PTPRD: variants seen among roughly 807,000 people sequenced by gnomAD.
PTPRD encodes protein tyrosine phosphatase receptor type D.
PTPRD carries 34 observed loss-of-function variants against 214.5 expected under a neutral mutation model. The observed-to-expected ratio is 0.16, with a 90% CI of 0.12 to 0.21. PTPRD has a LOEUF of 0.21. Among genes scored for constraint, PTPRD ranks in the 10% least tolerant of loss-of-function variants. The pLI is 1.00. For missense variants in PTPRD, 2,545 were observed against 2,398.7 expected, an observed-to-expected ratio of 1.06 and a Z score of -1.27; for synonymous variants, 1,128 against 845.7, an observed-to-expected ratio of 1.33 and a Z score of -5.79.
chr9:9,270,091 A>G (rs968037538), intron 9 of PTPRD, among the ~76,000 whole-genome samples: 46 of 151,186 alleles, frequency 3.0e-4, no homozygotes, highest in Non-Finnish European at 1.9e-4. Flanking sequence ...TTCTCACCAT[A>G]TACAAAAAGG....
intron 3 of PTPRD, among the ~76,000 whole-genome samples, chr9:10,054,100 C>T (rs1031248236): frequency 6.6e-6 from 1 of 152,064 alleles, no homozygotes; most frequent in Non-Finnish European, 1.5e-5. Flanking sequence ...GTTTATTAAA[C>T]TTTCCAAATA....
intron 3 of PTPRD, among the ~76,000 whole-genome samples, chr9:10,037,020 G>T (rs1306796964): frequency 6.6e-6 from 1 of 151,770 alleles, no homozygotes; most frequent in Non-Finnish European, 1.5e-5. Flanking sequence ...GAAGTAGCTG[G>T]GACTACAGGT....
chr9:9,447,019 G>C (rs1332226739), intron 8 of PTPRD, among the ~76,000 whole-genome samples: 1 of 152,088 alleles, frequency 6.6e-6, no homozygotes, highest in Non-Finnish European at 1.5e-5. Flanking sequence ...AATATAACAA[G>C]TGCTGGCAAG....
At chr9:8,430,648 G>C (rs1431785870) in intron 35 of PTPRD, among the ~76,000 whole-genome samples, 2 of 151,972 alleles carry the variant, frequency 1.3e-5, no homozygotes, top group African/African-American at 4.8e-5. Context: ...AGTAGCAGTG[G>C]GGTAGTACCT....
intron 32 of PTPRD, among the ~76,000 whole-genome samples, chr9:8,463,721 T>G (rs571108075): frequency 3.3e-5 from 5 of 152,112 alleles, no homozygotes; most frequent in African/African-American, 1.2e-4. Context: ...TCCAAACCAG[T>G]TATCTGACAT....
At chr9:10,456,798 C>T (rs1297639930) in intron 2 of PTPRD, among the ~76,000 whole-genome samples, 1 of 151,920 alleles carries the variant, frequency 6.6e-6, no homozygotes, top group Non-Finnish European at 1.5e-5. Context: ...GCAGATGATA[C>T]AGAATATAAC....
intron 8 of PTPRD, among the ~76,000 whole-genome samples, chr9:9,528,915 C>A (rs2074798944): frequency 6.6e-6 from 1 of 150,492 alleles, no homozygotes; most frequent in African/African-American, 2.4e-5. Context: ...CTTGAATTTA[C>A]CAGTTTCTTT....
chr9:9,385,142 T>C (rs985624401), intron 9 of PTPRD, among the ~76,000 whole-genome samples: 4 of 152,092 alleles, frequency 2.6e-5, no homozygotes, highest in African/African-American at 7.2e-5. Context: ...AAAAAAAGAA[T>C]AATGAACCCA....
chr9:8,584,977 C>T (rs763461141), intron 14 of PTPRD, among the ~76,000 whole-genome samples: 26 of 152,174 alleles, frequency 1.7e-4, no homozygotes, highest in African/African-American at 2.4e-4. Context: ...GAGAACAGCA[C>T]GGAGGTAATC....
chr9:9,835,678 T>C (rs964853563), intron 5 of PTPRD, among the ~76,000 whole-genome samples: 3 of 152,112 alleles, frequency 2.0e-5, no homozygotes, highest in Admixed American at 1.3e-4. Flanking sequence ...GAAGATGACA[T>C]TGTGACCATA....
chr9:9,381,681 T>G (rs1205510988), intron 9 of PTPRD, among the ~76,000 whole-genome samples: 2 of 149,132 alleles, frequency 1.3e-5, no homozygotes, highest in African/African-American at 2.5e-5. Context: ...TGTTTGTTTT[T>G]TTTTGTTGTT....
chr9:8,726,035 AC>A (rs2154426841), intron 12 of PTPRD, among the ~76,000 whole-genome samples: 1 of 142,748 alleles, frequency 7.0e-6, no homozygotes, highest in Non-Finnish European at 1.5e-5. Flanking sequence ...AGACACACAC[AC>A]ACACACACAC....
chr9:9,883,300 G>A (rs2069481662), intron 5 of PTPRD, among the ~76,000 whole-genome samples: 1 of 152,072 alleles, frequency 6.6e-6, no homozygotes, highest in South Asian at 2.1e-4. Context: ...CCTCTTCATT[G>A]ATAGTCACTG....
intron 11 of PTPRD, among the ~76,000 whole-genome samples, chr9:8,849,824 T>C (rs867634368): frequency 2.0e-5 from 3 of 152,140 alleles, no homozygotes; most frequent in Non-Finnish European, 4.4e-5. Context: ...GTGTTGAGTA[T>C]TGAGCACTTG....
intron 7 of PTPRD, among the ~76,000 whole-genome samples, chr9:9,714,492 A>C (rs1485169122): frequency 9.5e-6 from 1 of 104,896 alleles, no homozygotes; most frequent in African/African-American, 4.3e-5. Context: ...TAAGAATACC[A>C]CCTTGTTAGT....
At chr9:9,976,396 A>T (rs1026607716) in intron 4 of PTPRD, among the ~76,000 whole-genome samples, 5 of 151,528 alleles carry the variant, frequency 3.3e-5, no homozygotes, top group African/African-American at 4.9e-5. Context: ...ATTTATTTTT[A>T]TTTTTTTTGA....
Position 8,526,630 on chromosome 9 carries a change from T to G in PTPRD, c.565A>C (p.Arg189=), listed in dbSNP as rs377429981. ...AACGTTAGTTCAGCACTCTTACCTC[T>G]TATTGGTGTACCACCTGGGTGGATA... ...RSESIGGTPI[R]GALQIEQSEE... The change falls in exon 17 of 46, where the codon AGA becomes CGA. Residue 189 remains arginine (R), a synonymous_variant. Coordinates refer to ENST00000381196, the MANE Select transcript of PTPRD (RefSeq NM_002839.4). 2.5e-6 allele frequency: 4 copies of G among 1,581,384 alleles called. No individual in the cohort carries two copies. Among genetic ancestry groups the G allele is most frequent in the Non-Finnish European group, 2.6e-6 (3 of 1,161,996 alleles).
chr9:9,327,677 G>T (rs1300142490), intron 9 of PTPRD, among the ~76,000 whole-genome samples: 7 of 151,934 alleles, frequency 4.6e-5, no homozygotes, highest in Non-Finnish European at 7.4e-5. Flanking sequence ...ACAATAATAA[G>T]ACTTTCCTAT....
At chr9:10,544,466 A>C (rs570794443) in intron 2 of PTPRD, among the ~76,000 whole-genome samples, 7 of 152,240 alleles carry the variant, frequency 4.6e-5, no homozygotes, top group African/African-American at 7.2e-5. Context: ...CAGTGTACTT[A>C]AAAACACATT....
Sources: gnomAD v4.1 joint callset for allele counts (sites outside exome capture counted in the v4.1 genomes callset) on GRCh38, gnomAD v4.1.1 for gene constraint, MANE v1.5 for transcripts, NCBI Gene and HGNC (gene_info 2026-07-23, HGNC 2026-07-21) for gene names.